Variants in PBX4 observed in about 807,000 individuals in gnomAD.
PBX4 encodes the protein pre-B-cell leukemia transcription factor 4.
PBX4 carries 26 observed loss-of-function variants against 35.1 expected under a neutral mutation model. That is an observed-to-expected ratio of 0.74 (90% CI 0.54 to 1.03). The LOEUF (loss-of-function observed/expected upper bound fraction) is 1.03, where lower values mean the gene tolerates loss of function less well. PBX4 is among the 50% of genes least tolerant of loss of function. The pLI is 0.00. For synonymous variants in PBX4, 199 were observed against 204.2 expected, an observed-to-expected ratio of 0.97 and a Z score of 0.22; for missense variants, 448 against 504.3, an observed-to-expected ratio of 0.89 and a Z score of 1.07.
intron 1 of PBX4, among the ~76,000 whole-genome samples, chr19:19,604,852 G>A (rs111941379): frequency 0.19 from 28,253 of 151,532 alleles, 3,294 homozygotes; most frequent in East Asian, 0.29. Context: ...CACTTGCCTC[G>A]GCCTCCCAAA....
chr19:19,615,762 T>C (rs2144800591), intron 1 of PBX4, among the ~76,000 whole-genome samples: 1 of 152,138 alleles, frequency 6.6e-6, no homozygotes, highest in Non-Finnish European at 1.5e-5. Context: ...ATGGGGCGTA[T>C]GCCTGTAGTC....
intron 5 of PBX4, among the ~76,000 whole-genome samples, chr19:19,565,644 G>A (rs1208765154): frequency 1.3e-5 from 2 of 152,090 alleles, no homozygotes; most frequent in Admixed American, 6.5e-5. Flanking sequence ...TTGGCCGGGC[G>A]TGGTGGCTCA....
intron 1 of PBX4, among the ~76,000 whole-genome samples, chr19:19,599,770 C>T (rs919492557): frequency 2.0e-5 from 3 of 150,050 alleles, no homozygotes; most frequent in South Asian, 2.1e-4. Context: ...GTCAGGAGTT[C>T]GAGACCAGCC....
At chr19:19,618,431 G>A in intron 1 of PBX4, 80 bp downstream of exon 1, 1 of 1,267,110 alleles carries the variant, frequency 7.9e-7, no homozygotes, top group Non-Finnish European at 1.0e-6. Context: ...CGTCAGTCTG[G>A]CCTCCACGCC....
chr19:19,588,398 C>T lies in PBX4; in HGVS notation c.193+10894G>A, dbSNP rs768858141. On this transcript the variant is annotated intron_variant, in intron 2 of 7. Transcript: ENST00000251203. ...GCCTGCTTGCGGCAAAAGATCAAATCAGGATGATGTTTAGCCATAGTTCCC... is the reference window on the plus strand; with the variant it reads ...GCCTGCTTGCGGCAAAAGATCAAATTAGGATGATGTTTAGCCATAGTTCCC... The T allele has an allele frequency of 1.5e-5, 20 of 1,350,072 alleles. No homozygotes were observed. The Admixed American group carries it at 2.4e-4, about 16-fold the overall frequency. The allele number at this position is 1,350,072 out of a possible 1,614,324, so 83.6% of individuals were successfully genotyped here. A position where few individuals can be genotyped will look rare whatever the true frequency, so the allele number is the denominator to read the frequency against.
At chr19:19,569,206 A>ACAC (rs567430513) in intron 5 of PBX4, among the ~76,000 whole-genome samples, 19 of 152,232 alleles carry the variant, frequency 1.2e-4, no homozygotes, top group African/African-American at 4.1e-4. Flanking sequence ...CCACAGGTGC[A>ACAC]CACCACCAAG....
At chr19:19,576,294 C>T (rs879900058) in intron 2 of PBX4, among the ~76,000 whole-genome samples, 3 of 152,040 alleles carry the variant, frequency 2.0e-5, no homozygotes, top group Non-Finnish European at 4.4e-5. Context: ...GGCACGATCT[C>T]GGCTCACTGC....
intron 5 of PBX4, among the ~76,000 whole-genome samples, chr19:19,568,790 C>A (rs1377329559): frequency 2.6e-5 from 4 of 152,116 alleles, no homozygotes; most frequent in Non-Finnish European, 5.9e-5. Context: ...TGTCTGTATC[C>A]CTCAGGGAGT....
intron 1 of PBX4, among the ~76,000 whole-genome samples, chr19:19,603,903 A>G (rs933621159): frequency 6.8e-6 from 1 of 148,128 alleles, no homozygotes; most frequent in African/African-American, 2.5e-5. Flanking sequence ...TGGAGGTTGC[A>G]GTGAGCCGAG....
intron 2 of PBX4, among the ~76,000 whole-genome samples, chr19:19,586,443 A>T (rs996358954): frequency 2.0e-5 from 3 of 152,076 alleles, no homozygotes; most frequent in Non-Finnish European, 4.4e-5. Flanking sequence ...CAATTATATG[A>T]GCTGCTAATG....
chr19:19,570,566 C>T lies in PBX4; in HGVS notation c.441+20G>A. ...AATGCGCATTCACATGACAGAAACT[C>T]TTCCATGCAGAAAGATCACCTGTTC... On this transcript the variant is annotated intron_variant, in intron 3 of 7. Coordinates refer to ENST00000251203, the MANE Select transcript of PBX4 (RefSeq NM_025245.3). 2.5e-6 allele frequency: 4 copies of T among 1,609,358 alleles called. No homozygotes were observed. The highest frequency in any genetic ancestry group is 3.4e-6 in the Non-Finnish European group (4 of 1,176,202).
intron 1 of PBX4, among the ~76,000 whole-genome samples, chr19:19,600,139 C>G (rs2061588188): frequency 8.4e-6 from 1 of 119,574 alleles, no homozygotes; most frequent in African/African-American, 3.4e-5. Flanking sequence ...GAGACTCTGT[C>G]TCAATAATAA....
chr19:19,565,243 C>T (rs199827779), intron 5 of PBX4, among the ~76,000 whole-genome samples, 154 bp from the exon 6 acceptor site: 20 of 152,272 alleles, frequency 1.3e-4, no homozygotes, highest in East Asian at 9.7e-4. Flanking sequence ...GAGAAGGTGG[C>T]GCCCTCTGAA....
At chr19:19,569,704 G>T in intron 4 of PBX4, 120 bp from the exon 5 acceptor site, 1 of 1,325,726 alleles carries the variant, frequency 7.5e-7, no homozygotes, top group Non-Finnish European at 1.0e-6. Context: ...GAGGTCAGGA[G>T]TTCGAGACCA....
chr19:19,597,205 C>G (rs892911090), intron 2 of PBX4, among the ~76,000 whole-genome samples: 1 of 152,164 alleles, frequency 6.6e-6, no homozygotes, highest in African/African-American at 2.4e-5. Flanking sequence ...AAGAGTGAAA[C>G]TCCATCTCCA....
intron 1 of PBX4, among the ~76,000 whole-genome samples, chr19:19,607,360 C>CT (rs1275381309): frequency 3.9e-5 from 6 of 152,042 alleles, no homozygotes; most frequent in Non-Finnish European, 7.4e-5. Flanking sequence ...GGCCACATAT[C>CT]TGAGTTTTTT....
intron 2 of PBX4, among the ~76,000 whole-genome samples, chr19:19,573,779 G>C (rs1215133524): frequency 6.6e-6 from 1 of 151,818 alleles, no homozygotes; most frequent in African/African-American, 2.4e-5. Flanking sequence ...TCCCAGGCTG[G>C]AGTGCAATAG....
intron 2 of PBX4, among the ~76,000 whole-genome samples, chr19:19,582,273 G>A (rs925812104): frequency 1.3e-5 from 2 of 152,140 alleles, no homozygotes; most frequent in African/African-American, 4.8e-5. Flanking sequence ...CTGTGCCCTC[G>A]GACCTAAGTG....
At chr19:19,583,532 G>A (rs2061469149) in intron 2 of PBX4, among the ~76,000 whole-genome samples, 1 of 149,896 alleles carries the variant, frequency 6.7e-6, no homozygotes, top group African/African-American at 2.4e-5. Context: ...AAGATCGCTT[G>A]AGCCCCGGAG....
Sources: allele counts gnomAD v4.1 joint callset (sites outside exome capture counted in the v4.1 genomes callset), GRCh38; gene constraint gnomAD v4.1.1; transcripts MANE v1.5; gene names NCBI Gene and HGNC (gene_info 2026-07-23, HGNC 2026-07-21).